Variants in PHF8 observed in about 807,000 individuals in gnomAD.
The protein encoded by PHF8 is histone lysine demethylase PHF8.
Under a neutral mutation model 74.4 loss-of-function variants are expected in PHF8, and 9 were observed. The ratio of observed to expected loss-of-function variants is 0.12; its 90% CI spans 0.07 to 0.21. PHF8 has a LOEUF of 0.21. PHF8 is among the 10% of genes least tolerant of loss of function. The pLI is 1.00. For missense variants in PHF8, 478 were observed against 816.6 expected, an observed-to-expected ratio of 0.59 and a Z score of 5.05; for synonymous variants, 311 against 316.6, an observed-to-expected ratio of 0.98 and a Z score of 0.19.
intron 11 of PHF8, among the ~76,000 whole-genome samples, 155 bp from the exon 12 acceptor site, chrX:53,995,937 C>T (rs1557102741): frequency 2.8e-5 from 3 of 108,320 alleles, no homozygotes; most frequent in Non-Finnish European, 5.8e-5. Flanking sequence ...AAAACAAAAA[C>T]AAACAAACCT....
intron 8 of PHF8, among the ~76,000 whole-genome samples, chrX:54,008,919 G>A (rs1230214583): frequency 1.8e-5 from 2 of 111,898 alleles, no homozygotes; most frequent in African/African-American, 6.5e-5. Flanking sequence ...GCTCACGCCT[G>A]TAATCCCAGC....
At chrX:54,019,956 G>A (rs1040293210) in intron 4 of PHF8, among the ~76,000 whole-genome samples, 1 of 110,481 alleles carries the variant, frequency 9.1e-6, no homozygotes, top group Non-Finnish European at 1.9e-5. Context: ...AGGCCAAGGC[G>A]GGTGGATCAC....
rs782293934 is a variant in PHF8 at position 53,993,871 on chromosome X, G to A, written c.1356C>T (p.Ser452=). ...AGATCCTCTGCAGCCCAAAGATATT[G>A]CTCGTCTTCCCAACGTTCTGTTGGA... ...DIFQQNVGKT[S]NIFGLQRIFP... The change falls in exon 13 of 22, where the codon AGC becomes AGT. Residue 452 remains serine (S), a synonymous_variant. Transcript: ENST00000338154. 2.5e-5 allele frequency: 30 copies of A among 1,207,752 alleles called. No homozygotes were observed. The highest frequency in any genetic ancestry group is 3.4e-5 in the Non-Finnish European group (30 of 892,007).
At chrX:53,997,446 C>T (rs1302154324) in intron 11 of PHF8, among the ~76,000 whole-genome samples, 1 of 111,151 alleles carries the variant, frequency 9.0e-6, no homozygotes, top group Non-Finnish European at 1.9e-5. Flanking sequence ...TTTCATCTAT[C>T]TGGTGGAATT....
At chrX:53,959,101 C>T (rs1249626901) in intron 19 of PHF8, among the ~76,000 whole-genome samples, 3 of 111,566 alleles carry the variant, frequency 2.7e-5, no homozygotes, top group African/African-American at 9.8e-5. Context: ...GGCATAGGAA[C>T]ATGCTTATGA....
intron 17 of PHF8, among the ~76,000 whole-genome samples, chrX:53,985,504 A>G (rs1266414747): frequency 9.0e-6 from 1 of 111,585 alleles, no homozygotes; most frequent in Non-Finnish European, 1.9e-5. Flanking sequence ...CTGTTTAGGC[A>G]TGCTGCATTC....
In PHF8 at chrX:53,985,026, C is replaced by T; in HGVS notation, c.2331G>A (p.Lys777=). 1 of 1,211,443 alleles carries T rather than the reference C, an allele frequency of 8.3e-7. No homozygotes were observed. Among genetic ancestry groups the T allele is most frequent in the Non-Finnish European group, 1.1e-6 (1 of 895,015 alleles). Residue 777 remains lysine (K), a synonymous_variant, in exon 18 of 22, where the codon AAG becomes AAA. Coordinates refer to ENST00000338154, the MANE Select transcript of PHF8 (RefSeq NM_015107.3). Reference sequence around the variant, plus strand: ...AGTATGCTGGCCGCTTGATGGGCCGCTTCCCTGGGGTGCGCTGGGAAGCAG... The same window carrying T: ...AGTATGCTGGCCGCTTGATGGGCCGTTTCCCTGGGGTGCGCTGGGAAGCAG... ...NSPASQRTPG[K]RPIKRPAYWR... is the part of the protein sequence containing the mutation.
At chrX:54,035,013 A>G (rs965976824) in intron 2 of PHF8, among the ~76,000 whole-genome samples, 3 of 109,594 alleles carry the variant, frequency 2.7e-5, no homozygotes, top group African/African-American at 1.0e-4. Flanking sequence ...CTCAACAACA[A>G]CAAAACGATT....
chrX:54,014,302 G>T, intron 7 of PHF8, 75 bp downstream of exon 7: 1 of 735,544 alleles, frequency 1.4e-6, no homozygotes. Context: ...GATTCAAAAT[G>T]TTTCTGTGCT....
At chrX:53,976,603 G>A (rs976226197) in intron 18 of PHF8, among the ~76,000 whole-genome samples, 4 of 107,600 alleles carry the variant, frequency 3.7e-5, no homozygotes, top group Non-Finnish European at 7.7e-5. Flanking sequence ...ACAAGGCTAT[G>A]CAACACAGTG....
intron 18 of PHF8, among the ~76,000 whole-genome samples, chrX:53,982,432 G>T (rs1252491034): frequency 3.6e-5 from 4 of 112,493 alleles, no homozygotes; most frequent in Non-Finnish European, 5.6e-5. Context: ...TGATTTTATG[G>T]AACAGAATAA....
chrX:54,022,529 G>T (rs1252820194), intron 3 of PHF8, among the ~76,000 whole-genome samples, 162 bp from the exon 4 acceptor site: 1 of 111,696 alleles, frequency 9.0e-6, no homozygotes, highest in Admixed American at 9.6e-5. Context: ...TGGTGAAGAT[G>T]GATGGGTACT....
Position 53,978,201 on chromosome X carries a change from C to T in PHF8, c.2443+6713G>A, listed in dbSNP as rs782699231. Among the ~76,000 whole-genome samples, 141 of 110,383 alleles carry T rather than the reference C, an allele frequency of 1.3e-3. 1 individual carries two copies. Among genetic ancestry groups the T allele is most frequent in the African/African-American group, 4.5e-3 (137 of 30,401 alleles). On this transcript the variant is annotated intron_variant, in intron 18 of 21. Transcript: ENST00000338154. ...GACCTCGTGATGTGCCCGCCTTGGC[C>T]TCCCAAAGTGCTGGGATTACAGGCA... is the stretch of plus-strand genomic sequence containing the variant.
upstream of PHF8, chrX:54,044,915 C>A: frequency 1.8e-6 from 2 of 1,141,313 alleles, no homozygotes; most frequent in Non-Finnish European, 2.4e-6. Flanking sequence ...AGGCTGGGCT[C>A]TTTCCCACGG....
At chrX:54,029,256 C>G (rs1032385724) in intron 2 of PHF8, among the ~76,000 whole-genome samples, 1 of 111,969 alleles carries the variant, frequency 8.9e-6, no homozygotes, top group Non-Finnish European at 1.9e-5. Context: ...GCCCTCCACA[C>G]TACAGCCAAA....
chrX:54,022,443 G>A (rs1557110313), intron 3 of PHF8, 76 bp from the exon 4 acceptor site: 1 of 661,807 alleles, frequency 1.5e-6, no homozygotes. Context: ...GGCCTCAGCA[G>A]ATCCTTCTCT....
At chrX:54,025,001 C>T (rs1031729770) in intron 2 of PHF8, among the ~76,000 whole-genome samples, 4 of 110,328 alleles carry the variant, frequency 3.6e-5, no homozygotes, top group African/African-American at 9.9e-5. Context: ...CTCAGCCTCC[C>T]GAGTAGCTGG....
At chrX:54,014,025 G>A (rs945067027) in intron 7 of PHF8, among the ~76,000 whole-genome samples, 1 of 109,362 alleles carries the variant, frequency 9.1e-6, no homozygotes, top group Non-Finnish European at 1.9e-5. Flanking sequence ...GCACAATCTC[G>A]GCTCACTGAA....
In PHF8 at chrX:53,940,351, C is replaced by G. The variant is rs1414664364; in HGVS notation, c.2815G>C (p.Glu939Gln). The change falls in exon 21 of 22, where the codon GAG becomes CAG. Residue 939 changes from glutamate to glutamine, a missense_variant. This residue lies in a region of PHF8 where 75 missense variants were observed against 93.3 expected (regional missense o/e 0.80). Transcript: ENST00000338154. Reference protein sequence around the residue: ...VTSSSPLPPPEPKQEALSGSL... With the variant: ...VTSSSPLPPPQPKQEALSGSL... ...CCTGACAGGGCCTCTTGTTTAGGCT[C>G]AGGAGGAGGCAGGGGTGAGGAGGAG... 1.7e-6 allele frequency: 2 copies of G among 1,209,466 alleles called. No homozygotes were observed. The highest frequency in any genetic ancestry group is 2.2e-6 in the Non-Finnish European group (2 of 894,557).
Sources: allele counts gnomAD v4.1 joint callset (sites outside exome capture counted in the v4.1 genomes callset), GRCh38; gene constraint gnomAD v4.1.1; regional missense constraint gnomAD v4.1.1; transcripts MANE v1.5; gene names NCBI Gene and HGNC (gene_info 2026-07-23, HGNC 2026-07-21).